Variants in PCDH15 observed in about 807,000 individuals in gnomAD.
The protein encoded by PCDH15 is protocadherin-15.
A neutral mutation model predicts 178.5 loss-of-function variants in PCDH15; 129 were observed. That is an observed-to-expected ratio of 0.72 (90% CI 0.63 to 0.84). PCDH15 has a LOEUF of 0.84. Among genes scored for constraint, PCDH15 ranks in the 40% least tolerant of loss-of-function variants. The pLI is 0.00. For missense variants in PCDH15, 2,230 were observed against 2,099.9 expected, an observed-to-expected ratio of 1.06 and a Z score of -1.21; for synonymous variants, 800 against 732.0, an observed-to-expected ratio of 1.09 and a Z score of -1.50.
chr10:53,818,408 A>G (rs2076140706), intron 33 of PCDH15: 1 of 156,100 alleles, frequency 6.4e-6, no homozygotes, highest in Non-Finnish European at 1.4e-5. Flanking sequence ...TATGCTTTAT[A>G]CATGAAGAAT....
chr10:54,770,065 G>T (rs962316176), intron 1 of PCDH15, among the ~76,000 whole-genome samples: 1 of 152,030 alleles, frequency 6.6e-6, no homozygotes, highest in African/African-American at 2.4e-5. Flanking sequence ...ATAGCAACAT[G>T]AGCTACCAGC....
intron 9 of PCDH15, among the ~76,000 whole-genome samples, chr10:54,215,615 T>C (rs1270487066): frequency 6.6e-6 from 1 of 152,136 alleles, no homozygotes; most frequent in African/African-American, 2.4e-5. Context: ...TGAGCAAACC[T>C]TTCCTAACTA....
chr10:55,386,738 T>G (rs1388444025), intron 2 of PCDH15, among the ~76,000 whole-genome samples: 1 of 152,080 alleles, frequency 6.6e-6, no homozygotes, highest in Non-Finnish European at 1.5e-5. Context: ...TTATTATTAA[T>G]ATAGTATTTT....
chr10:54,293,444 A>C (rs2059553434), intron 8 of PCDH15, among the ~76,000 whole-genome samples: 1 of 152,248 alleles, frequency 6.6e-6, no homozygotes, highest in African/African-American at 2.4e-5. Context: ...AAGCAATGGC[A>C]CTAAAAGCCA....
chr10:54,722,134 A>C (rs993961815), intron 1 of PCDH15, among the ~76,000 whole-genome samples: 49 of 151,900 alleles, frequency 3.2e-4, no homozygotes, highest in African/African-American at 9.9e-4. Context: ...TTATCTCAAG[A>C]GATGCAGAAA....
In PCDH15 at chr10:55,369,010, CAAAAAAAAA is replaced by C. The variant is rs60906060; in HGVS notation, c.-155-202368_-155-202360del. Among the ~76,000 whole-genome samples the C allele has an allele frequency of 1.7e-4, 15 of 86,180 alleles. No homozygotes were observed. In the East Asian group the frequency reaches 4.6e-3, roughly 26 times the overall value. The allele number at this position is 86,180 out of a possible 152,430, so 56.5% of individuals were successfully genotyped here. A position where few individuals can be genotyped will look rare whatever the true frequency, so the allele number is the denominator to read the frequency against. On this transcript the variant is annotated intron_variant, in intron 2 of 5. Coordinates refer to the PCDH15 transcript ENST00000613346. ...ATAGTCCTGATCTCATTTTTGGGAC[CAAAAAAAAA>C]AAAAAAAAAAAAAACCCCAGCAAGA... is the stretch of plus-strand genomic sequence containing the variant.
intron 16 of PCDH15, among the ~76,000 whole-genome samples, chr10:54,082,879 A>G (rs986886835): frequency 6.6e-6 from 1 of 152,118 alleles, no homozygotes; most frequent in Non-Finnish European, 1.5e-5. Flanking sequence ...TATTTCCAGA[A>G]TATATAAAGG....
chr10:54,040,555 T>A (rs947464837), intron 18 of PCDH15, among the ~76,000 whole-genome samples: 1 of 152,038 alleles, frequency 6.6e-6, no homozygotes, highest in Non-Finnish European at 1.5e-5. Context: ...TACATCTATA[T>A]TCAGTTACTA....
At chr10:55,367,051 G>GA (rs944265052) in intron 2 of PCDH15, among the ~76,000 whole-genome samples, 1 of 151,750 alleles carries the variant, frequency 6.6e-6, no homozygotes, top group African/African-American at 2.4e-5. Context: ...GGGATTATGG[G>GA]ATTACGGGAT....
intron 2 of PCDH15, among the ~76,000 whole-genome samples, chr10:55,617,919 C>T (rs1003800000): frequency 3.3e-5 from 5 of 151,780 alleles, no homozygotes; most frequent in African/African-American, 4.8e-5. Context: ...GAGTAGCAAA[C>T]GAGACTGAAG....
At chr10:54,471,183 C>T (rs2077894679) in intron 3 of PCDH15, among the ~76,000 whole-genome samples, 2 of 151,938 alleles carry the variant, frequency 1.3e-5, no homozygotes, top group African/African-American at 4.8e-5. Flanking sequence ...GAAAAGAAAA[C>T]ATATTTATTG....
chr10:54,582,373 T>G (rs1006845114), intron 2 of PCDH15, among the ~76,000 whole-genome samples: 2 of 152,114 alleles, frequency 1.3e-5, no homozygotes, highest in Non-Finnish European at 2.9e-5. Context: ...CATGATAATT[T>G]CATTGAATCT....
intron 2 of PCDH15, among the ~76,000 whole-genome samples, chr10:54,583,218 A>C (rs2091193775): frequency 6.6e-6 from 1 of 152,128 alleles, no homozygotes; most frequent in Admixed American, 6.6e-5. Flanking sequence ...TATACCCAAA[A>C]ATTCTCATAT....
chr10:55,019,643 G>A (rs1840274620), intron 2 of PCDH15, among the ~76,000 whole-genome samples: 1 of 152,038 alleles, frequency 6.6e-6, no homozygotes, highest in African/African-American at 2.4e-5. Flanking sequence ...ACTGCCCTTT[G>A]TCTCTGACCC....
At chr10:54,914,110 T>C (rs1030874691) in intron 2 of PCDH15, among the ~76,000 whole-genome samples, 19 of 152,062 alleles carry the variant, frequency 1.2e-4, no homozygotes, top group Admixed American at 6.6e-4. Context: ...GGGTGTGAGA[T>C]TTTAGAGAGG....
intron 1 of PCDH15, among the ~76,000 whole-genome samples, chr10:55,291,623 A>G (rs924494329): frequency 4.6e-5 from 7 of 152,224 alleles, no homozygotes; most frequent in African/African-American, 1.4e-4. Flanking sequence ...AATTCAATGA[A>G]GAAAATTTAC....
intron 1 of PCDH15, among the ~76,000 whole-genome samples, chr10:54,762,853 T>C (rs1240066626): frequency 1.3e-5 from 2 of 152,166 alleles, no homozygotes; most frequent in Non-Finnish European, 2.9e-5. Flanking sequence ...TGTTTATACA[T>C]GTGGCAATAA....
At chr10:55,093,054 A>G (rs1000733085) in intron 2 of PCDH15, among the ~76,000 whole-genome samples, 1 of 152,106 alleles carries the variant, frequency 6.6e-6, no homozygotes, top group African/African-American at 2.4e-5. Flanking sequence ...GTGGTACCAG[A>G]TAAAATACCA....
intron 2 of PCDH15, among the ~76,000 whole-genome samples, chr10:55,084,824 G>C (rs1333465051): frequency 6.6e-6 from 1 of 151,864 alleles, no homozygotes; most frequent in African/African-American, 2.4e-5. Context: ...TTATGAAAAA[G>C]TGCTCAACAT....
Sources: gnomAD v4.1 joint callset for allele counts (sites outside exome capture counted in the v4.1 genomes callset) on GRCh38, gnomAD v4.1.1 for gene constraint, MANE v1.5 for transcripts, NCBI Gene and HGNC (gene_info 2026-07-23, HGNC 2026-07-21) for gene names.